The following GDAP1 variants were observed in gnomAD, a reference collection of about 807,000 sequenced individuals.
GDAP1 encodes the protein ganglioside-induced differentiation-associated protein 1.
Under a neutral mutation model 40.1 loss-of-function variants are expected in GDAP1, and 34 were observed. The ratio of observed to expected loss-of-function variants is 0.85; its 90% CI spans 0.64 to 1.13. GDAP1 has a LOEUF of 1.13. Among genes scored for constraint, GDAP1 ranks in the 50% most tolerant of loss-of-function variants. The pLI is 0.00. For missense variants in GDAP1, 374 were observed against 433.7 expected, an observed-to-expected ratio of 0.86 and a Z score of 1.22; for synonymous variants, 170 against 157.4, an observed-to-expected ratio of 1.08 and a Z score of -0.60.
rs1233214276 is a variant in GDAP1, at chr8:74,364,865, C to G, written c.*498C>G. 2.2e-6 allele frequency: 1 copy of G among 454,150 alleles called. No homozygotes were observed. The highest frequency in any genetic ancestry group is 2.0e-5 in the African/African-American group (1 of 49,984). 28.1% of individuals were successfully genotyped at this position (454,150 alleles called of 1,614,324 possible). ...AAATGCTTATGAATCACACACATTGCTTTAGTAAGATTAAGTGCTTATATA... is the reference window on the plus strand; with the variant it reads ...AAATGCTTATGAATCACACACATTGGTTTAGTAAGATTAAGTGCTTATATA... On this transcript the variant is annotated 3_prime_UTR_variant, in exon 6 of 6. Coordinates refer to ENST00000220822, the MANE Select transcript of GDAP1 (RefSeq NM_018972.4).
intron 2 of GDAP1, among the ~76,000 whole-genome samples, chr8:74,478,553 C>CT (rs1806665804): frequency 6.6e-6 from 1 of 152,158 alleles, no homozygotes; most frequent in Admixed American, 6.5e-5. Flanking sequence ...TGCCAGCAGA[C>CT]TGAGGGGTGC....
chr8:74,416,152 T>C (rs1317211265), intron 2 of GDAP1, among the ~76,000 whole-genome samples: 1 of 149,956 alleles, frequency 6.7e-6, no homozygotes, highest in African/African-American at 2.5e-5. Context: ...AACTGCCCTC[T>C]GATCCCCACT....
intron 2 of GDAP1, among the ~76,000 whole-genome samples, chr8:74,474,891 A>G (rs921571545): frequency 1.2e-4 from 19 of 152,174 alleles, no homozygotes; most frequent in African/African-American, 4.1e-4. Context: ...ACATCTGGTA[A>G]AATTCAGCTG....
Position 74,366,792 on chromosome 8 carries a change from T to A in GDAP1, c.*2425T>A, listed in dbSNP as rs544337877. On this transcript the variant is annotated 3_prime_UTR_variant, in exon 6 of 6. Coordinates refer to ENST00000220822, the MANE Select transcript of GDAP1 (RefSeq NM_018972.4). ...ACACCAGCGTTGTAGATTTTTGGTG[T>A]TGTTGAATGCAGTAGAGAGACCAAG... 1 of 453,912 alleles carries A rather than the reference T, an allele frequency of 2.2e-6. No homozygotes were observed. Among genetic ancestry groups the A allele is most frequent in the South Asian group, 1.6e-5 (1 of 64,420 alleles). The allele number at this position is 453,912 out of a possible 1,614,324, so 28.1% of individuals were successfully genotyped here. A position where few individuals can be genotyped will look rare whatever the true frequency, so the allele number is the denominator to read the frequency against.
At chr8:74,357,591 A>G (rs1048473885) in intron 2 of GDAP1, among the ~76,000 whole-genome samples, 92 of 152,124 alleles carry the variant, frequency 6.0e-4, no homozygotes, top group African/African-American at 2.1e-3. Context: ...TTGCTGCCTA[A>G]ATTTATGTGT....
chr8:74,365,259 T>C lies in GDAP1; in HGVS notation c.*892T>C, dbSNP rs1277066287. 4.4e-6 allele frequency: 2 copies of C among 454,012 alleles called. No individual in the cohort carries two copies. The highest frequency in any genetic ancestry group is 4.7e-5 in the Admixed American group (2 of 42,562). The allele number at this position is 454,012 out of a possible 1,614,324, so 28.1% of individuals were successfully genotyped here. ...GGCTGGTCTGTAAACACAAAAATTG[T>C]TGTCCAGATCTTTCATCTGTTTATG... On this transcript the variant is annotated 3_prime_UTR_variant, in exon 6 of 6. Transcript: ENST00000220822.
chr8:74,442,028 C>T (rs1806168281), intron 2 of GDAP1, among the ~76,000 whole-genome samples: 1 of 152,162 alleles, frequency 6.6e-6, no homozygotes, highest in African/African-American at 2.4e-5. Flanking sequence ...TTTCTTCATG[C>T]TCGTGGCCAG....
intron 2 of GDAP1, among the ~76,000 whole-genome samples, chr8:74,443,637 AAAAACACAAAATCC>A (rs1178397760): frequency 6.6e-6 from 1 of 152,224 alleles, no homozygotes; most frequent in East Asian, 1.9e-4. Flanking sequence ...TTCCTCTCTA[AAAAACACAAAATCC>A]AGACTTCTAA....
At chr8:74,434,451 G>A (rs1416108062) in intron 2 of GDAP1, among the ~76,000 whole-genome samples, 1 of 152,150 alleles carries the variant, frequency 6.6e-6, no homozygotes, top group East Asian at 1.9e-4. Flanking sequence ...TGAAGGTACT[G>A]AATTGAACAT....
chr8:74,432,491 AT>A (rs1169057420), intron 2 of GDAP1, among the ~76,000 whole-genome samples: 1 of 152,110 alleles, frequency 6.6e-6, no homozygotes, highest in Non-Finnish European at 1.5e-5. Flanking sequence ...TCAGTTTGGT[AT>A]TTGGTTTTGG....
chr8:74,418,777 C>T (rs1805819253), intron 2 of GDAP1, among the ~76,000 whole-genome samples: 2 of 152,068 alleles, frequency 1.3e-5, no homozygotes, highest in African/African-American at 4.8e-5. Flanking sequence ...ATTGGCAAAT[C>T]TCATATTCAG....
At chr8:74,454,764 C>CCAAATATAATGATA (rs141075428) in intron 2 of GDAP1, among the ~76,000 whole-genome samples, 27,753 of 64,682 alleles carry the variant, frequency 0.43, 6,317 homozygotes, top group Middle Eastern at 0.59. Flanking sequence ...AATTATAATG[C>CCAAATATAATGATA]CAAATATAAT....
chr8:74,412,179 C>A (rs1294119637), intron 2 of GDAP1, among the ~76,000 whole-genome samples: 1 of 149,956 alleles, frequency 6.7e-6, no homozygotes, highest in African/African-American at 2.5e-5. Context: ...GAGTCAGACT[C>A]ATTGGATGAG....
chr8:74,389,104 G>A (rs749814598), intron 2 of GDAP1, among the ~76,000 whole-genome samples: 1 of 151,966 alleles, frequency 6.6e-6, no homozygotes, highest in South Asian at 2.1e-4. Flanking sequence ...CCTGAATACA[G>A]CACACTGATG....
chr8:74,458,510 A>G (rs967960599), intron 2 of GDAP1, among the ~76,000 whole-genome samples: 2 of 152,218 alleles, frequency 1.3e-5, no homozygotes, highest in Non-Finnish European at 2.9e-5. Context: ...GGTCCAAATG[A>G]GGAAGCAGTG....
At chr8:74,447,297 A>G (rs1806241424) in intron 2 of GDAP1, among the ~76,000 whole-genome samples, 1 of 152,132 alleles carries the variant, frequency 6.6e-6, no homozygotes. Flanking sequence ...TAACAAAATT[A>G]TTTCATGAAA....
chr8:74,381,092 G>GTA (rs1027724062), intron 2 of GDAP1, among the ~76,000 whole-genome samples: 8 of 151,736 alleles, frequency 5.3e-5, no homozygotes, highest in Non-Finnish European at 1.0e-4. Context: ...GAGTGTGTGT[G>GTA]TGTGTCTGTG....
rs1301610905 is a variant in GDAP1 at position 74,452,012 on chromosome 8, C to T, written c.166-36666C>T. Among the ~76,000 whole-genome samples the T allele has an allele frequency of 3.7e-5, 3 of 80,244 alleles. 1 individual carries two copies. Among genetic ancestry groups the T allele is most frequent in the African/African-American group, 1.1e-4 (2 of 18,090 alleles). 52.6% of individuals were successfully genotyped at this position (80,244 alleles called of 152,430 possible). A position where few individuals can be genotyped will look rare whatever the true frequency, so the allele number is the denominator to read the frequency against. Reference sequence around the variant, plus strand: ...TCGCCCAGGCTGGAGTGCAGTGGCGCGATCTCGGCTCACTGCAAGCTCTGC... The same window carrying T: ...TCGCCCAGGCTGGAGTGCAGTGGCGTGATCTCGGCTCACTGCAAGCTCTGC... On this transcript the variant is annotated intron_variant, in intron 2 of 2. Transcript: ENST00000523640.
rs1809536335 is a variant in GDAP1, at chr8:74,364,645, A to G, written c.*278A>G. On this transcript the variant is annotated 3_prime_UTR_variant, in exon 6 of 6. Coordinates refer to ENST00000220822, the MANE Select transcript of GDAP1 (RefSeq NM_018972.4). Reference sequence around the variant, plus strand: ...TGTATAGGGTAGAGCAATAGAAAGTAAGCTTCGGGTGCCTCCAACGTTCAT... The same window carrying G: ...TGTATAGGGTAGAGCAATAGAAAGTGAGCTTCGGGTGCCTCCAACGTTCAT... The G allele has an allele frequency of 7.3e-6, 4 of 551,500 alleles. No individual in the cohort carries two copies. Among genetic ancestry groups the G allele is most frequent in the Non-Finnish European group, 1.4e-5 (4 of 290,816 alleles). The allele number at this position is 551,500 out of a possible 1,614,324, so 34.2% of individuals were successfully genotyped here. A position where few individuals can be genotyped will look rare whatever the true frequency, so the allele number is the denominator to read the frequency against.
Sources: gnomAD v4.1 joint callset for allele counts (sites outside exome capture counted in the v4.1 genomes callset) on GRCh38, gnomAD v4.1.1 for gene constraint, MANE v1.5 for transcripts, NCBI Gene and HGNC (gene_info 2026-07-23, HGNC 2026-07-21) for gene names.